Variants in KCND2 observed in about 807,000 individuals in gnomAD.
The protein encoded by KCND2 is A-type voltage-gated potassium channel KCND2.
KCND2 carries 16 observed loss-of-function variants against 54.4 expected under a neutral mutation model. The observed-to-expected ratio is 0.29, with a 90% CI of 0.20 to 0.45. The LOEUF is 0.45. KCND2 is among the 20% of genes least tolerant of loss of function. The probability of loss-of-function intolerance (pLI) is 1.00; values close to 1 mark genes in which losing one functional copy is unlikely to be tolerated. For synonymous variants in KCND2, 317 were observed against 310.7 expected (o/e 1.02, Z -0.21); for missense variants, 486 against 824.2 (o/e 0.59, Z 5.02).
At chr7:120,457,158 G>A (rs1458371001) in intron 1 of KCND2, among the ~76,000 whole-genome samples, 1 of 152,148 alleles carries the variant, frequency 6.6e-6, no homozygotes, top group East Asian at 1.9e-4. Context: ...CCTGGCCCAG[G>A]GAACCTTTTT....
intron 2 of KCND2, among the ~76,000 whole-genome samples, chr7:120,736,590 A>G (rs1317488969): frequency 6.6e-6 from 1 of 152,008 alleles, no homozygotes; most frequent in African/African-American, 2.4e-5. Flanking sequence ...TCACAGGCTA[A>G]CCTGTGAGTA....
chr7:120,408,696 T>C (rs1261031523), intron 1 of KCND2, among the ~76,000 whole-genome samples: 1 of 151,618 alleles, frequency 6.6e-6, no homozygotes, highest in African/African-American at 2.4e-5. Flanking sequence ...CACACACACA[T>C]GTGCACATAC....
In KCND2 at chr7:120,737,991, T is replaced by G. The variant is rs543530781; in HGVS notation, c.1279-3543T>G. Among the ~76,000 whole-genome samples, 5 of 152,162 alleles carry G rather than the reference T, an allele frequency of 3.3e-5. No homozygotes were observed. The South Asian group carries it at 1.0e-3, about 32-fold the overall frequency. ...AAAGAAATCAATGTCTCAGTGGTGTTTGGCTTATAGATCCTTCTCAGATTG... is the reference window on the plus strand; with the variant it reads ...AAAGAAATCAATGTCTCAGTGGTGTGTGGCTTATAGATCCTTCTCAGATTG... On this transcript the variant is annotated intron_variant, in intron 2 of 5. Coordinates refer to ENST00000331113, the MANE Select transcript of KCND2 (RefSeq NM_012281.3).
chr7:120,360,761 T>C (rs1298629148), intron 1 of KCND2, among the ~76,000 whole-genome samples: 1 of 152,104 alleles, frequency 6.6e-6, no homozygotes, highest in Non-Finnish European at 1.5e-5. Context: ...TTACATACTT[T>C]TCAATTTAAA....
At chr7:120,478,575 T>G (rs1802562341) in intron 1 of KCND2, among the ~76,000 whole-genome samples, 1 of 152,092 alleles carries the variant, frequency 6.6e-6, no homozygotes, top group Non-Finnish European at 1.5e-5. Context: ...ATTTTTCCAG[T>G]GTAGTATGAA....
At chr7:120,573,482 G>A (rs751822417) in intron 1 of KCND2, among the ~76,000 whole-genome samples, 20 of 152,130 alleles carry the variant, frequency 1.3e-4, no homozygotes, top group Non-Finnish European at 2.6e-4. Context: ...TGAAACAAGT[G>A]TTTCCCAACT....
chr7:120,280,691 C>T (rs1799246753), intron 1 of KCND2, among the ~76,000 whole-genome samples: 1 of 146,442 alleles, frequency 6.8e-6, no homozygotes, highest in Non-Finnish European at 1.5e-5. Context: ...TAATTTTGTT[C>T]ATTTAAGAAT....
chr7:120,387,919 A>G (rs568385267), intron 1 of KCND2, among the ~76,000 whole-genome samples: 60 of 152,074 alleles, frequency 3.9e-4, no homozygotes, highest in Non-Finnish European at 7.5e-4. Flanking sequence ...ACAAATCAAC[A>G]TAAATTTATA....
intron 1 of KCND2, among the ~76,000 whole-genome samples, chr7:120,324,465 T>C (rs1799943757): frequency 6.7e-6 from 1 of 148,402 alleles, no homozygotes; most frequent in African/African-American, 2.5e-5. Flanking sequence ...CCATCTTGAA[T>C]TGATTTTTGT....
At chr7:120,537,306 A>G (rs1229935790) in intron 1 of KCND2, among the ~76,000 whole-genome samples, 2 of 152,172 alleles carry the variant, frequency 1.3e-5, no homozygotes, top group African/African-American at 4.8e-5. Context: ...ATTGGGCTTA[A>G]AATATTCAGT....
intron 1 of KCND2, among the ~76,000 whole-genome samples, chr7:120,709,168 A>G (rs542998239): frequency 2.0e-5 from 3 of 152,266 alleles, no homozygotes; most frequent in African/African-American, 7.2e-5. Flanking sequence ...TTATTAAAAT[A>G]TAAATCTTTT....
intron 1 of KCND2, among the ~76,000 whole-genome samples, chr7:120,363,197 G>A (rs1298743522): frequency 2.6e-5 from 4 of 152,076 alleles, no homozygotes; most frequent in Admixed American, 6.6e-5. Flanking sequence ...TCGGGTGGCT[G>A]AGGAAAGAGG....
intron 1 of KCND2, among the ~76,000 whole-genome samples, chr7:120,596,793 T>A (rs560354436): frequency 1.3e-5 from 2 of 152,338 alleles, no homozygotes; most frequent in South Asian, 2.1e-4. Flanking sequence ...TCCACCCCAA[T>A]GAAGTTCATG....
intron 1 of KCND2, among the ~76,000 whole-genome samples, chr7:120,647,018 G>T (rs144931522): frequency 2.6e-4 from 39 of 152,260 alleles, no homozygotes; most frequent in African/African-American, 8.9e-4. Context: ...CACTGAAAAA[G>T]ACTTTAGGTT....
chr7:120,618,124 T>G (rs1268062164), intron 1 of KCND2, among the ~76,000 whole-genome samples: 3 of 152,126 alleles, frequency 2.0e-5, no homozygotes, highest in African/African-American at 4.8e-5. Flanking sequence ...GATTTACTAG[T>G]GTAAAAAACC....
intron 1 of KCND2, among the ~76,000 whole-genome samples, chr7:120,291,244 A>G (rs1406633634): frequency 6.6e-6 from 1 of 151,876 alleles, no homozygotes; most frequent in Non-Finnish European, 1.5e-5. Flanking sequence ...TGGAAATATA[A>G]TTTTAGCAGG....
intron 1 of KCND2, among the ~76,000 whole-genome samples, chr7:120,386,928 C>A (rs749802213): frequency 1.1e-4 from 17 of 152,126 alleles, no homozygotes; most frequent in Non-Finnish European, 2.4e-4. Flanking sequence ...AACTTCAGTT[C>A]TTTATTCAGT....
chr7:120,583,783 GT>G (rs1325333805), intron 1 of KCND2, among the ~76,000 whole-genome samples: 6 of 55,442 alleles, frequency 1.1e-4, no homozygotes, highest in Non-Finnish European at 2.2e-4. Flanking sequence ...CATAGGAATT[GT>G]GGGGGGGGGG....
chr7:120,610,541 T>C (rs1584853078), intron 1 of KCND2, among the ~76,000 whole-genome samples: 1 of 152,106 alleles, frequency 6.6e-6, no homozygotes, highest in East Asian at 1.9e-4. Context: ...CTGATTCCAG[T>C]GTGGGGTAGG....
Sources: allele counts gnomAD v4.1 joint callset (sites outside exome capture counted in the v4.1 genomes callset), GRCh38; gene constraint gnomAD v4.1.1; transcripts MANE v1.5; gene names NCBI Gene and HGNC (gene_info 2026-07-23, HGNC 2026-07-21).